Variants in STK39 observed in about 807,000 individuals in gnomAD.
The protein encoded by STK39 is STE20/SPS1-related proline-alanine-rich protein kinase.
STK39 carries 20 observed loss-of-function variants against 77.8 expected under a neutral mutation model. The observed-to-expected ratio is 0.26, with a 90% CI of 0.18 to 0.37. STK39 has a LOEUF of 0.37. STK39 is among the 10% of genes least tolerant of loss of function. STK39 has a pLI of 1.00. For missense variants in STK39, 479 were observed against 656.5 expected (o/e 0.73, Z 2.95); for synonymous variants, 246 against 234.1 (o/e 1.05, Z -0.47).
intron 15 of STK39, among the ~76,000 whole-genome samples, chr2:168,016,087 C>A (rs1480903883): frequency 1.3e-5 from 2 of 152,002 alleles, no homozygotes; most frequent in Non-Finnish European, 2.9e-5. Flanking sequence ...ACCACCACAC[C>A]CGGCTAGTTT....
chr2:168,050,422 G>T (rs952551901), intron 14 of STK39, among the ~76,000 whole-genome samples: 2 of 152,182 alleles, frequency 1.3e-5, no homozygotes, highest in Non-Finnish European at 2.9e-5. Context: ...TGGCAAAAAG[G>T]GATTTGGTAG....
intron 16 of STK39, among the ~76,000 whole-genome samples, chr2:167,969,880 C>T (rs1692282208): frequency 6.6e-6 from 1 of 152,162 alleles, no homozygotes; most frequent in Non-Finnish European, 1.5e-5. Flanking sequence ...AGAGTAAAGC[C>T]ATGGTCTCTA....
chr2:168,007,466 C>T (rs1254478355), intron 16 of STK39, among the ~76,000 whole-genome samples: 1 of 152,126 alleles, frequency 6.6e-6, no homozygotes, highest in Non-Finnish European at 1.5e-5. Flanking sequence ...ATTAAAAATC[C>T]TGGCCTTAAA....
At chr2:168,048,496 G>A (rs1221429157) in intron 14 of STK39, among the ~76,000 whole-genome samples, 1 of 105,556 alleles carries the variant, frequency 9.5e-6, no homozygotes, top group African/African-American at 3.1e-5. Flanking sequence ...ACAGGTGTGA[G>A]CCACCGCGCC....
chr2:168,088,348 A>T lies in STK39; in HGVS notation c.1090-13117T>A, dbSNP rs149131189. The stretch of plus-strand genomic sequence containing the variant: ...ATGGCAGCAATAGGCTCTCTGAAAA[A>T]GTAGGTCAATACATAGTCAATTTTC... On this transcript the variant is annotated intron_variant, in intron 10 of 17. Transcript: ENST00000355999. 3.0e-3 allele frequency among the ~76,000 whole-genome samples: 455 copies of T among 152,266 alleles called. 1 individual carries two copies. Among genetic ancestry groups the T allele is most frequent in the Non-Finnish European group, 4.6e-3 (310 of 68,032 alleles).
chr2:168,231,732 G>A (rs1661989615), intron 1 of STK39, among the ~76,000 whole-genome samples: 1 of 152,140 alleles, frequency 6.6e-6, no homozygotes, highest in Non-Finnish European at 1.5e-5. Flanking sequence ...AGAGTGCTCT[G>A]TGAAGAATCC....
At chr2:168,228,360 T>A (rs1253887511) in intron 1 of STK39, among the ~76,000 whole-genome samples, 4 of 152,202 alleles carry the variant, frequency 2.6e-5, no homozygotes, top group African/African-American at 9.7e-5. Context: ...CTATGCCATG[T>A]AAATATATAC....
chr2:167,965,124 GA>G lies in STK39; in HGVS notation c.1499-399del, dbSNP rs57613973. Reference sequence around the variant, plus strand: ...AAACAAAGAGGAGAGGTAGTGGGGAGAAAAAAAAAACAAAAAAAAACAAAGG... The same window carrying G: ...AAACAAAGAGGAGAGGTAGTGGGGAGAAAAAAAAACAAAAAAAAACAAAGG... On this transcript the variant is annotated intron_variant, in intron 16 of 17. Transcript: ENST00000355999. Among the ~76,000 whole-genome samples the G allele has an allele frequency of 8.9e-5, 12 of 134,132 alleles. 1 individual carries two copies. The South Asian group carries it at 2.4e-3, about 27-fold the overall frequency. The allele number at this position is 134,132 out of a possible 152,430, so 88.0% of individuals were successfully genotyped here.
chr2:168,163,312 C>T (rs1050925511), intron 4 of STK39, among the ~76,000 whole-genome samples: 1 of 152,170 alleles, frequency 6.6e-6, no homozygotes, highest in Non-Finnish European at 1.5e-5. Flanking sequence ...GATAGTCTTG[C>T]TTGTATTAGA....
At chr2:168,002,401 C>T (rs1231716747) in intron 16 of STK39, among the ~76,000 whole-genome samples, 2 of 152,164 alleles carry the variant, frequency 1.3e-5, no homozygotes, top group African/African-American at 4.8e-5. Flanking sequence ...CACTCCTTTT[C>T]CCCATCCCCA....
intron 14 of STK39, among the ~76,000 whole-genome samples, chr2:168,017,530 C>T (rs1409241880): frequency 6.6e-6 from 1 of 151,780 alleles, no homozygotes; most frequent in Non-Finnish European, 1.5e-5. Flanking sequence ...GCCACCATGT[C>T]CGGCTAATTT....
chr2:168,042,396 C>T (rs1685128853), intron 14 of STK39, among the ~76,000 whole-genome samples: 1 of 152,132 alleles, frequency 6.6e-6, no homozygotes, highest in African/African-American at 2.4e-5. Context: ...CATCTTCATA[C>T]TCAACCTAAC....
At chr2:168,017,675 T>C (rs1246689744) in intron 14 of STK39, among the ~76,000 whole-genome samples, 1 of 152,102 alleles carries the variant, frequency 6.6e-6, no homozygotes, top group African/African-American at 2.4e-5. Context: ...ACCTGGCCAA[T>C]ATAATTTTAT....
At chr2:168,186,154 A>T (rs1689202181) in intron 1 of STK39, among the ~76,000 whole-genome samples, 1 of 152,164 alleles carries the variant, frequency 6.6e-6, no homozygotes, top group Non-Finnish European at 1.5e-5. Flanking sequence ...TCCTTACAAA[A>T]AGAGACAATA....
At chr2:168,188,928 G>T (rs1689272844) in intron 1 of STK39, among the ~76,000 whole-genome samples, 2 of 152,168 alleles carry the variant, frequency 1.3e-5, no homozygotes, top group Admixed American at 6.6e-5. Flanking sequence ...GCCCAGTGCA[G>T]CAAGACCATG....
At chr2:168,153,440 A>C (rs11887477) in intron 5 of STK39, among the ~76,000 whole-genome samples, 2,869 of 152,316 alleles carry the variant, frequency 0.019, 62 homozygotes, top group African/African-American at 0.051. Context: ...GGCTTCTTAA[A>C]ACACAGATTG....
chr2:168,114,349 T>C (rs144023088), intron 10 of STK39, among the ~76,000 whole-genome samples: 1 of 152,328 alleles, frequency 6.6e-6, no homozygotes, highest in Non-Finnish European at 1.5e-5. Context: ...TTATGCTCAC[T>C]TGTATAATAC....
intron 10 of STK39, among the ~76,000 whole-genome samples, chr2:168,121,648 T>C (rs1237894643): frequency 6.6e-6 from 1 of 152,224 alleles, no homozygotes. Flanking sequence ...AATACCCATC[T>C]GCACCCCACC....
At chr2:168,137,536 T>A (rs1012129470) in intron 8 of STK39, among the ~76,000 whole-genome samples, 4 of 152,230 alleles carry the variant, frequency 2.6e-5, no homozygotes, top group African/African-American at 7.2e-5. Context: ...GAAACACTAA[T>A]GTTAATTTAA....
Sources: allele counts gnomAD v4.1 joint callset (sites outside exome capture counted in the v4.1 genomes callset), GRCh38; gene constraint gnomAD v4.1.1; transcripts MANE v1.5; gene names NCBI Gene and HGNC (gene_info 2026-07-23, HGNC 2026-07-21).